RIC8A: variants seen among roughly 807,000 people sequenced by gnomAD.
The protein encoded by RIC8A is chaperone Ric-8A.
RIC8A carries 37 observed loss-of-function variants against 48.4 expected under a neutral mutation model. The observed-to-expected ratio is 0.77, with a 90% CI of 0.59 to 1.01. The LOEUF is 1.01. Ranked by LOEUF, RIC8A falls within the 50% of genes least tolerant of loss-of-function variation. The pLI is 0.00. For synonymous variants in RIC8A, 288 were observed against 283.4 expected (o/e 1.02, Z -0.16); for missense variants, 681 against 696.8 (o/e 0.98, Z 0.25).
chr11:214,239 C>T lies in RIC8A; in HGVS notation c.1485C>T (p.Val495=). The T allele has an allele frequency of 1.2e-6, 2 of 1,613,782 alleles. No homozygotes were observed. The highest frequency in any genetic ancestry group is 1.7e-6 in the Non-Finnish European group (2 of 1,179,884). Residue 495 remains valine, a synonymous_variant, in exon 10 of 10, where the codon GTC becomes GTT. Transcript: ENST00000526104. ...TMFDKLSRNR[V]IQPMGMSPRG... ...CACCTTTCCCCAACAGGAACAGAGT[C>T]ATCCAGCCAATGGGGATGAGTCCCC...
Position 214,299 on chromosome 11 carries a change from C to G in RIC8A, c.1545C>G (p.Cys515Trp). 6.2e-7 allele frequency: 1 copy of G among 1,613,156 alleles called. No individual in the cohort carries two copies. The highest frequency in any genetic ancestry group is 8.5e-7 in the Non-Finnish European group (1 of 1,179,656). ...TTACGTCCCTGCAGGATGCCATGTG[C>G]GAGACTATGGAGCAGCAGCTCTCCT... The part of the protein sequence containing the change: ...GHLTSLQDAM[C>W]ETMEQQLSSD... The change falls in exon 10 of 10, where the codon TGC (cysteine) becomes TGG (tryptophan). Residue 515 changes from cysteine (C) to tryptophan (W), a missense_variant. Cys to Trp is a radical substitution (Grantham distance 215, BLOSUM62 -2). Coordinates refer to ENST00000526104, the MANE Select transcript of RIC8A (RefSeq NM_001286134.2).
intron 9 of RIC8A, 99 bp from the exon 10 acceptor site, chr11:214,131 C>A: frequency 7.2e-7 from 1 of 1,393,600 alleles, no homozygotes; most frequent in Non-Finnish European, 9.8e-7. Flanking sequence ...ATGGGAGCAG[C>A]CTACTTGGTA....
In RIC8A at chr11:213,392, G is replaced by T. The variant is rs767299912; in HGVS notation, c.1449G>T (p.Leu483=). Residue 483 remains leucine (L), a synonymous_variant, in exon 9 of 10, where the codon CTG becomes CTT. Coordinates refer to ENST00000526104, the MANE Select transcript of RIC8A (RefSeq NM_001286134.2). ...AGAAGGAGCACGAGGCCATGAAGCTGGTGACCATGTTTGACAAGCTCTCCA... is the reference window on the plus strand; with the variant it reads ...AGAAGGAGCACGAGGCCATGAAGCTTGTGACCATGTTTGACAAGCTCTCCA... The part of the protein sequence containing the change: ...EEQKEHEAMK[L]VTMFDKLSRN... 5 of 1,600,964 alleles carry T rather than the reference G, an allele frequency of 3.1e-6. No individual in the cohort carries two copies. The highest frequency in any genetic ancestry group is 3.4e-5 in the Admixed American group (2 of 58,074).
chr11:211,278 A>G lies in RIC8A; in HGVS notation c.898A>G (p.Thr300Ala). 6.2e-7 allele frequency: 1 copy of G among 1,614,100 alleles called. No individual in the cohort carries two copies. Among genetic ancestry groups the G allele is most frequent in the Non-Finnish European group, 8.5e-7 (1 of 1,179,976 alleles). Residue 300 changes from threonine (T) to alanine (A), a missense_variant, in exon 5 of 10, where the codon ACG becomes GCG. Thr to Ala is a moderately conservative substitution (Grantham distance 58). Transcript: ENST00000526104. This position sits in a 1 kb window ranked among gnomAD's most constrained non-coding sequence, Gnocchi z 4.0. Reference protein sequence around the residue: ...LLTLEPHGDSTEFMGVNMDVI... With the variant: ...LLTLEPHGDSAEFMGVNMDVI... ...CACCCTGGAGCCACATGGAGACTCC[A>G]CGGAGTTCATGGGAGTGAATATGGA...
chr11:210,994 GC>G, intron 4 of RIC8A: 1 of 613,812 alleles, frequency 1.6e-6, no homozygotes. Flanking sequence ...GTGTCTCAGT[GC>G]CCCCACTTCC....
chr11:211,011 G>A lies in RIC8A; in HGVS notation c.819-188G>A. The A allele has an allele frequency of 1.6e-6, 1 of 640,420 alleles. No individual in the cohort carries two copies. 39.7% of individuals were successfully genotyped at this position (640,420 alleles called of 1,614,324 possible). A position where few individuals can be genotyped will look rare whatever the true frequency, so the allele number is the denominator to read the frequency against. ...GTCTCAGTGCCCCCACTTCCCCAGG[G>A]GACCCCACTGTACAGCTGAGTGGCA... On this transcript the variant is annotated intron_variant, in intron 4 of 9. Transcript: ENST00000526104. The surrounding 1 kb of genome is among the most constrained non-coding windows in gnomAD (Gnocchi z 4.0).
rs1398944174 is a variant in RIC8A at position 208,805 on chromosome 11, G to A, written c.-50G>A. On this transcript the variant is annotated 5_prime_UTR_variant, in exon 1 of 10. Transcript: ENST00000526104. The surrounding 1 kb of genome is among the most constrained non-coding windows in gnomAD (Gnocchi z 4.8). ...TGGGCCAGGGCGGGGCCGGCGAACT[G>A]CGGCCCGGAACGGCTGAGGAAGGGC... 6.6e-7 allele frequency: 1 copy of A among 1,515,786 alleles called. No homozygotes were observed. Among genetic ancestry groups the A allele is most frequent in the Non-Finnish European group, 9.0e-7 (1 of 1,112,598 alleles). 93.9% of individuals were successfully genotyped at this position (1,515,786 alleles called of 1,614,324 possible).
intron 8 of RIC8A, 147 bp downstream of exon 8, chr11:213,128 G>A: frequency 2.2e-6 from 3 of 1,371,186 alleles, no homozygotes; most frequent in Non-Finnish European, 2.9e-6. Context: ...GTGCTATCTG[G>A]GATACCAGAA....
rs910390221 is a variant in RIC8A at position 211,546 on chromosome 11, G to A, written c.969+197G>A. On this transcript the variant is annotated intron_variant, in intron 5 of 9. Coordinates refer to ENST00000526104, the MANE Select transcript of RIC8A (RefSeq NM_001286134.2). This position sits in a 1 kb window ranked among gnomAD's most constrained non-coding sequence, Gnocchi z 4.0. ...ACCCTTCCTCCATGAGAAGCATGTG[G>A]ACACCTTCCACACACTTGAAGGTTT... 44 of 560,956 alleles carry A rather than the reference G, an allele frequency of 7.8e-5. No homozygotes were observed. The highest frequency in any genetic ancestry group is 1.1e-4 in the Non-Finnish European group (36 of 322,856). 34.7% of individuals were successfully genotyped at this position (560,956 alleles called of 1,614,324 possible).
Position 208,793 on chromosome 11 carries a change from G to C in RIC8A, c.-62G>C. ...CGCGGGGCTTTCTGGGCCAGGGCGG[G>C]GCCGGCGAACTGCGGCCCGGAACGG... On this transcript the variant is annotated 5_prime_UTR_variant, in exon 1 of 10. Coordinates refer to ENST00000526104, the MANE Select transcript of RIC8A (RefSeq NM_001286134.2). The surrounding 1 kb of genome is among the most constrained non-coding windows in gnomAD (Gnocchi z 4.8). 7.0e-7 allele frequency: 1 copy of C among 1,429,486 alleles called. No individual in the cohort carries two copies. The highest frequency in any genetic ancestry group is 2.5e-5 in the East Asian group (1 of 39,444). 88.6% of individuals were successfully genotyped at this position (1,429,486 alleles called of 1,614,324 possible).
chr11:210,874 C>CTAG (rs1855340265), intron 4 of RIC8A: 27 of 611,968 alleles, frequency 4.4e-5, no homozygotes, highest in Admixed American at 5.8e-5. Context: ...ATGGTACTTA[C>CTAG]TAGGGCACAT....
chr11:210,691 A>G, intron 4 of RIC8A, 29 bp downstream of exon 4: 1 of 1,602,746 alleles, frequency 6.2e-7, no homozygotes, highest in Non-Finnish European at 8.5e-7. Context: ...CTGGGAGGGA[A>G]GTGTGCCCAC....
chr11:213,036 TTCCACACCCATGTGGAC>T (rs1855404353), intron 8 of RIC8A, 55 bp downstream of exon 8: 11 of 1,515,856 alleles, frequency 7.3e-6, no homozygotes, highest in Non-Finnish European at 9.7e-6. Flanking sequence ...TAGTCCCTGC[TTCCACACCCATGTGGAC>T]CCCTGTAGGG....
At position 210,627 on chromosome 11, in the gene RIC8A, C is replaced by T. The variant is rs34418034; in HGVS notation, c.783C>T (p.Ile261=). The T allele has an allele frequency of 3.8e-5, 61 of 1,613,972 alleles. No homozygotes were observed. The highest frequency in any genetic ancestry group is 3.3e-4 in the Middle Eastern group (2 of 6,084). Residue 261 remains isoleucine, a synonymous_variant, in exon 4 of 10, where the codon ATC becomes ATT. Coordinates refer to ENST00000526104, the MANE Select transcript of RIC8A (RefSeq NM_001286134.2). ...CCCTTCTCCGGCACTGTGTGATGAT[C>T]GCTACTGCTGGAGACCGCACAGAGG... ...LGTLLRHCVM[I]ATAGDRTEEF...
At position 208,896 on chromosome 11, in the gene RIC8A, G is replaced by C. The variant is rs752859525; in HGVS notation, c.42G>C (p.Glu14Asp). The change falls in exon 1 of 10, where the codon GAG becomes GAC. Residue 14 changes from glutamate (E) to aspartate (D), a missense_variant. By Grantham distance (45) the Glu-to-Asp change is conservative. Coordinates refer to ENST00000526104, the MANE Select transcript of RIC8A (RefSeq NM_001286134.2). The surrounding 1 kb of genome is among the most constrained non-coding windows in gnomAD (Gnocchi z 4.8). The part of the protein sequence containing the change: ...RAVAEAVETG[E>D]EDVIMEALRS... The stretch of plus-strand genomic sequence containing the variant: ...TTGCAGAAGCCGTGGAGACGGGTGA[G>C]GAGGATGTGATTATGGAAGCTCTGC... 20 of 1,611,282 alleles carry C rather than the reference G, an allele frequency of 1.2e-5. No homozygotes were observed. The highest frequency in any genetic ancestry group is 1.7e-5 in the Admixed American group (1 of 59,914).
Position 211,121 on chromosome 11 carries a change from G to T in RIC8A, c.819-78G>T. Reference sequence around the variant, plus strand: ...TCAGATGCCAGCTCATGTAATGTGTGGTTCAGCGGAGTCACAAAGATTGCA... The same window carrying T: ...TCAGATGCCAGCTCATGTAATGTGTTGTTCAGCGGAGTCACAAAGATTGCA... On this transcript the variant is annotated intron_variant, in intron 4 of 9. Transcript: ENST00000526104. The surrounding 1 kb of genome is among the most constrained non-coding windows in gnomAD (Gnocchi z 4.0). 2 of 1,458,990 alleles carry T rather than the reference G, an allele frequency of 1.4e-6. No homozygotes were observed. The highest frequency in any genetic ancestry group is 1.3e-5 in the South Asian group (1 of 77,274). The allele number at this position is 1,458,990 out of a possible 1,614,324, so 90.4% of individuals were successfully genotyped here. A position where few individuals can be genotyped will look rare whatever the true frequency, so the allele number is the denominator to read the frequency against.
chr11:208,865 G>A lies in RIC8A; in HGVS notation c.11G>A (p.Arg4Gln). The A allele has an allele frequency of 6.2e-7, 1 of 1,610,100 alleles. No homozygotes were observed. The highest frequency in any genetic ancestry group is 8.5e-7 in the Non-Finnish European group (1 of 1,178,860). ...CTTCCCCGGCGCGCCATGGAGCCCC[G>A]GGCGGTTGCAGAAGCCGTGGAGACG... MEP[R>Q]AVAEAVETGE... Residue 4 changes from arginine to glutamine, a missense_variant, in exon 1 of 10, where the codon CGG becomes CAG. By Grantham distance (43) the Arg-to-Gln change is conservative. Coordinates refer to ENST00000526104, the MANE Select transcript of RIC8A (RefSeq NM_001286134.2). The surrounding 1 kb of genome is among the most constrained non-coding windows in gnomAD (Gnocchi z 4.8).
Position 208,586 on chromosome 11 carries a change from G to A in RIC8A, c.-269G>A, listed in dbSNP as rs1161935378. The A allele has an allele frequency of 5.5e-6, 2 of 366,408 alleles. No individual in the cohort carries two copies. The highest frequency in any genetic ancestry group is 5.2e-5 in the South Asian group (1 of 19,328). 22.7% of individuals were successfully genotyped at this position (366,408 alleles called of 1,614,324 possible). ...TGTTGGAACTTCTGGCCCAAGAAGCGCGGGTCACAAGGAGAGGGGTCAGTT... is the reference window on the plus strand; with the variant it reads ...TGTTGGAACTTCTGGCCCAAGAAGCACGGGTCACAAGGAGAGGGGTCAGTT... On this transcript the variant is annotated 5_prime_UTR_variant, in exon 1 of 10. Coordinates refer to ENST00000526104, the MANE Select transcript of RIC8A (RefSeq NM_001286134.2). The surrounding 1 kb of genome is among the most constrained non-coding windows in gnomAD (Gnocchi z 4.8).
rs1855289361 is a variant in RIC8A, at chr11:209,478, G to A, written c.204G>A (p.Gln68=). 6.2e-7 allele frequency: 1 copy of A among 1,609,510 alleles called. No individual in the cohort carries two copies. The highest frequency in any genetic ancestry group is 8.5e-7 in the Non-Finnish European group (1 of 1,176,304). ...LPPSHRVIWL[Q]SVRILSRDRN... is the part of the protein sequence containing the mutation. ...CCTCCCACCGTGTCATCTGGCTGCA[G>A]AGTGTCCGAATCCTGTCCCGGGACC... The change falls in exon 3 of 10, where the codon CAG becomes CAA. Residue 68 remains glutamine (Q), a synonymous_variant. Coordinates refer to ENST00000526104, the MANE Select transcript of RIC8A (RefSeq NM_001286134.2).
Sources: gnomAD v4.1 joint callset for allele counts on GRCh38, gnomAD v4.1.1 for gene constraint, Gnocchi (gnomAD v3.1) non-coding constraint, MANE v1.5 for transcripts, NCBI Gene and HGNC (gene_info 2026-07-23, HGNC 2026-07-21) for gene names.